Variants in ARMCX4 observed in about 807,000 individuals in gnomAD.
ARMCX4 encodes the protein armadillo repeat-containing X-linked protein 4.
In ARMCX4, 3 loss-of-function variants were observed where a neutral mutation model predicts 34.7. That is an observed-to-expected ratio of 0.09 (90% CI 0.04 to 0.22). The LOEUF is 0.22. Among genes scored for constraint, ARMCX4 ranks in the 10% least tolerant of loss-of-function variants. The probability of loss-of-function intolerance (pLI) is 1.00; values close to 1 mark genes in which losing one functional copy is unlikely to be tolerated. For missense variants in ARMCX4, 1,448 were observed against 1,720.8 expected (o/e 0.84, Z 2.81); for synonymous variants, 513 against 632.8 (o/e 0.81, Z 2.84).
At chrX:101,453,159 T>C (rs782295829) in intron 4 of ARMCX4, among the ~76,000 whole-genome samples, 1 of 111,504 alleles carries the variant, frequency 9.0e-6, no homozygotes, top group African/African-American at 3.3e-5. Flanking sequence ...CATTTTGAGA[T>C]GGTGTGCTTT....
chrX:101,433,273 C>CAT (rs1208189776), intron 2 of ARMCX4, among the ~76,000 whole-genome samples: 1 of 101,858 alleles, frequency 9.8e-6, no homozygotes, highest in East Asian at 3.1e-4. Context: ...TATATGTACA[C>CAT]ATGTACGTAC....
intron 2 of ARMCX4, among the ~76,000 whole-genome samples, chrX:101,433,127 CATATTTGTATATATACTCACATAT>C (rs1930350266): frequency 6.3e-5 from 6 of 94,950 alleles, no homozygotes; most frequent in African/African-American, 1.8e-4. Flanking sequence ...TGTATGTATA[CATATTTGTATATATACTCACATAT>C]ACACATATGT....
intron 10 of ARMCX4, among the ~76,000 whole-genome samples, chrX:101,510,815 C>T (rs1347266155): frequency 9.0e-6 from 1 of 111,254 alleles, no homozygotes; most frequent in Non-Finnish European, 1.9e-5. Context: ...CTAAGTTCAT[C>T]CCCAAATATT....
At chrX:101,468,881 G>A (rs1330002704) in intron 4 of ARMCX4, among the ~76,000 whole-genome samples, 1 of 111,519 alleles carries the variant, frequency 9.0e-6, no homozygotes, top group African/African-American at 3.3e-5. Context: ...GAAGAAAAAA[G>A]CCATAAATAA....
In ARMCX4 at chrX:101,423,138, G is replaced by T. The variant is rs782660137; in HGVS notation, n.164+4138G>T. ...TTGGCCAGGCTGGTCTTGAACTCCTGACCTCAGGCGATCCACTGGCCTCGG... is the reference window on the plus strand; with the variant it reads ...TTGGCCAGGCTGGTCTTGAACTCCTTACCTCAGGCGATCCACTGGCCTCGG... On this transcript the variant is annotated intron_variant and non_coding_transcript_variant, in intron 2 of 3. Coordinates refer to the ARMCX4 transcript ENST00000430461. Among the ~76,000 whole-genome samples the T allele has an allele frequency of 4.6e-5, 5 of 108,993 alleles. No individual in the cohort carries two copies. In the East Asian group the frequency reaches 9.0e-4, roughly 20 times the overall value. The allele number at this position is 108,993 out of a possible 115,157, so 94.6% of individuals were successfully genotyped here. A position where few individuals can be genotyped will look rare whatever the true frequency, so the allele number is the denominator to read the frequency against.
rs138025006 is a variant in ARMCX4 at position 101,426,906 on chromosome X, A to G, written n.164+7906A>G. ...TTTTCATTGATAAACATAGATCTGT[A>G]TAATCACATTTAAGGACTACATTGT... is the stretch of plus-strand genomic sequence containing the variant. On this transcript the variant is annotated intron_variant and non_coding_transcript_variant, in intron 2 of 3. Coordinates refer to the ARMCX4 transcript ENST00000430461. Among the ~76,000 whole-genome samples, 305 of 112,147 alleles carry G rather than the reference A, an allele frequency of 2.7e-3. 1 individual carries two copies. The highest frequency in any genetic ancestry group is 9.3e-3 in the African/African-American group (288 of 30,907).
chrX:101,426,418 C>A (rs1936914606), intron 2 of ARMCX4, among the ~76,000 whole-genome samples: 1 of 111,285 alleles, frequency 9.0e-6, no homozygotes, highest in Admixed American at 9.6e-5. Context: ...AAGGCTCCCC[C>A]AACCCCGTTA....
chrX:101,449,035 G>A (rs1931826236), downstream of ARMCX4, among the ~76,000 whole-genome samples: 1 of 105,527 alleles, frequency 9.5e-6, no homozygotes, highest in African/African-American at 3.5e-5. Context: ...CCTCACCCAC[G>A]CAGCTGGGAT....
intron 2 of ARMCX4, among the ~76,000 whole-genome samples, chrX:101,432,926 A>ATATATACGTGTATATATACATACGTG (rs1930245025): frequency 1.5e-5 from 1 of 67,604 alleles, no homozygotes; most frequent in Non-Finnish European, 3.3e-5. Context: ...ATACATACGT[A>ATATATACGTGTATATATACATACGTG]TATATATACG....
At chrX:101,504,427 A>G (rs1934393167) in intron 7 of ARMCX4, among the ~76,000 whole-genome samples, 2 of 73,689 alleles carry the variant, frequency 2.7e-5, no homozygotes, top group African/African-American at 1.0e-4. Flanking sequence ...GTGTTCTTTA[A>G]TAAGTTTGTG....
chrX:101,432,350 A>G (rs1930090615), intron 2 of ARMCX4, among the ~76,000 whole-genome samples: 1 of 111,500 alleles, frequency 9.0e-6, no homozygotes, highest in African/African-American at 3.3e-5. Flanking sequence ...ATCCTCCAAG[A>G]CACCAGCCTT....
At chrX:101,520,894 GTT>G (rs146605974) in intron 11 of ARMCX4, among the ~76,000 whole-genome samples, 4 of 102,011 alleles carry the variant, frequency 3.9e-5, no homozygotes, top group South Asian at 4.3e-4. Flanking sequence ...TCTTTATGAG[GTT>G]TTTTTTTAAA....
intron 11 of ARMCX4, among the ~76,000 whole-genome samples, chrX:101,523,974 G>A (rs1934910628): frequency 9.2e-6 from 1 of 108,756 alleles, no homozygotes; most frequent in African/African-American, 3.4e-5. Flanking sequence ...AGTTAAGTCA[G>A]TACCCTCAAG....
At chrX:101,535,355 G>A (rs1346413858), downstream of ARMCX4, among the ~76,000 whole-genome samples, 4 of 111,425 alleles carry the variant, frequency 3.6e-5, no homozygotes, top group African/African-American at 1.3e-4. Context: ...AAACTTCCTA[G>A]GTGATTATTT....
At chrX:101,455,593 A>T (rs1932233296) in intron 4 of ARMCX4, among the ~76,000 whole-genome samples, 1 of 112,024 alleles carries the variant, frequency 8.9e-6, no homozygotes, top group South Asian at 3.7e-4. Context: ...TAACAAAGGC[A>T]CAAAAAGATA....
Position 101,432,913 on chromosome X carries a change from C to T in ARMCX4, n.165-11139C>T, listed in dbSNP as rs6621056. On this transcript the variant is annotated intron_variant and non_coding_transcript_variant, in intron 2 of 3. Transcript: ENST00000430461. ...GTATATATACGTGTATATACACACA[C>T]GTATACATACGTATATATATACGTG... Among the ~76,000 whole-genome samples the T allele has an allele frequency of 3.6e-4, 23 of 64,266 alleles. 1 individual carries two copies. The highest frequency in any genetic ancestry group is 1.2e-3 in the Admixed American group (6 of 5,056). 55.8% of individuals were successfully genotyped at this position (64,266 alleles called of 115,157 possible). A position where few individuals can be genotyped will look rare whatever the true frequency, so the allele number is the denominator to read the frequency against.
chrX:101,432,978 A>G lies in ARMCX4; in HGVS notation n.165-11074A>G, dbSNP rs188393819. Among the ~76,000 whole-genome samples the G allele has an allele frequency of 1.8e-3, 198 of 107,125 alleles. 1 individual carries two copies. Among genetic ancestry groups the G allele is most frequent in the African/African-American group, 6.5e-3 (191 of 29,432 alleles). 93.0% of individuals were successfully genotyped at this position (107,125 alleles called of 115,157 possible). A position where few individuals can be genotyped will look rare whatever the true frequency, so the allele number is the denominator to read the frequency against. On this transcript the variant is annotated intron_variant and non_coding_transcript_variant, in intron 2 of 3. Coordinates refer to the ARMCX4 transcript ENST00000430461. The stretch of plus-strand genomic sequence containing the variant: ...TGTATACATATGTGTATATGTGTAT[A>G]TATACACACATGTATACATATATGT...
chrX:101,493,126 T>A lies in ARMCX4; in HGVS notation c.4537T>A (p.Cys1513Ser). The change falls in exon 6 of 6, where the codon TGC becomes AGC. Residue 1513 changes from cysteine (C) to serine (S), a missense_variant. Cys to Ser is a moderately radical substitution (Grantham distance 112). Transcript: ENST00000423738. ...CCAGGCCAGTGGATGGTTCTGTGTT[T>A]GCCCTGGGAGTCAGACGAATGGAGG... Reference protein sequence around the residue: ...GDQASGWFCVCPGSQTNGGSW... With the variant: ...GDQASGWFCVSPGSQTNGGSW... The A allele has an allele frequency of 8.7e-7, 1 of 1,150,127 alleles. No individual in the cohort carries two copies. The highest frequency in any genetic ancestry group is 2.6e-5 in the Admixed American group (1 of 38,275). 94.8% of individuals were successfully genotyped at this position (1,150,127 alleles called of 1,213,427 possible).
chrX:101,420,147 C>T (rs1929148365), intron 2 of ARMCX4, among the ~76,000 whole-genome samples: 1 of 111,489 alleles, frequency 9.0e-6, no homozygotes, highest in African/African-American at 3.3e-5. Context: ...TGGATCAGGT[C>T]AGGAGTTCGA....
Sources: allele counts gnomAD v4.1 joint callset (sites outside exome capture counted in the v4.1 genomes callset), GRCh38; gene constraint gnomAD v4.1.1; transcripts MANE v1.5; gene names NCBI Gene and HGNC (gene_info 2026-07-23, HGNC 2026-07-21).